MEF2A: variants seen among roughly 807,000 people sequenced by gnomAD.
MEF2A encodes the protein myocyte enhancer factor 2A.
Under a neutral mutation model 55.8 loss-of-function variants are expected in MEF2A, and 28 were observed. The observed-to-expected ratio is 0.50, with a 90% CI of 0.37 to 0.69. The LOEUF (loss-of-function observed/expected upper bound fraction) is 0.69. Ranked by LOEUF, MEF2A falls within the 30% of genes least tolerant of loss-of-function variation. MEF2A has a pLI of 0.00. For synonymous variants in MEF2A, 239 were observed against 227.1 expected (o/e 1.05, Z -0.47); for missense variants, 528 against 626.2 (o/e 0.84, Z 1.67).
chr15:99,715,647 T>TTC lies in MEF2A; in HGVS notation c.*2878_*2879dup, dbSNP rs1301302300. 1 of 152,228 alleles carries TTC rather than the reference T, an allele frequency of 6.6e-6. No individual in the cohort carries two copies. Among genetic ancestry groups the TTC allele is most frequent in the Non-Finnish European group, 1.5e-5 (1 of 68,036 alleles). The allele number at this position is 152,228 out of a possible 1,614,324, so 9.4% of individuals were successfully genotyped here. A position where few individuals can be genotyped will look rare whatever the true frequency, so the allele number is the denominator to read the frequency against. On this transcript the variant is annotated 3_prime_UTR_variant, in exon 12 of 12. Transcript: ENST00000557942. ...AATGGTGTTGCTTTAGAACCGTCTT[T>TTC]TCTTACCCTTTTAGACTCGTGTTTT...
intron 4 of MEF2A, among the ~76,000 whole-genome samples, chr15:99,651,435 G>A (rs963678165): frequency 1.3e-5 from 2 of 152,166 alleles, no homozygotes; most frequent in Non-Finnish European, 2.9e-5. Context: ...CAGACAGGGA[G>A]TATTTAAGAG....
rs114278493 is a variant in MEF2A at position 99,666,839 on chromosome 15, T to A, written c.259-4484T>A. Among the ~76,000 whole-genome samples, 664 of 152,230 alleles carry A rather than the reference T, an allele frequency of 4.4e-3. 4 individuals carry two copies. The highest frequency in any genetic ancestry group is 0.015 in the African/African-American group (606 of 41,540). On this transcript the variant is annotated intron_variant, in intron 4 of 11. Transcript: ENST00000557942. The stretch of plus-strand genomic sequence containing the variant: ...ACCAGCTTGAATTTCATTTTAGATC[T>A]TAATAGCTTCCGACAGAAAGGAAGG...
intron 2 of MEF2A, among the ~76,000 whole-genome samples, chr15:99,624,382 C>A (rs1375686487): frequency 6.6e-6 from 1 of 152,118 alleles, no homozygotes; most frequent in Non-Finnish European, 1.5e-5. Context: ...AAACATCCAA[C>A]TTTATTCTTT....
intron 10 of MEF2A, 48 bp from the exon 11 acceptor site, chr15:99,710,586 C>T (rs201020559): frequency 5.6e-5 from 89 of 1,583,724 alleles, no homozygotes; most frequent in East Asian, 3.4e-4. Flanking sequence ...AAATAGATTC[C>T]GTATGGACCT....
chr15:99,613,665 G>T (rs559065791), intron 2 of MEF2A, among the ~76,000 whole-genome samples: 1 of 152,206 alleles, frequency 6.6e-6, no homozygotes, highest in South Asian at 2.1e-4. Context: ...GGTTATCAGC[G>T]TTGATAGCAG....
chr15:99,593,167 A>G (rs1230722743), intron 1 of MEF2A, among the ~76,000 whole-genome samples: 1 of 152,110 alleles, frequency 6.6e-6, no homozygotes, highest in Non-Finnish European at 1.5e-5. Context: ...TCTCCTGAGT[A>G]CCATCCTTTT....
intron 4 of MEF2A, among the ~76,000 whole-genome samples, chr15:99,652,888 T>C (rs2047086275): frequency 6.6e-6 from 1 of 152,244 alleles, no homozygotes; most frequent in South Asian, 2.1e-4. Context: ...GGCATTTTGC[T>C]AAACACTGGG....
intron 4 of MEF2A, among the ~76,000 whole-genome samples, chr15:99,662,925 AT>A (rs2153579320): frequency 6.6e-6 from 1 of 152,268 alleles, no homozygotes; most frequent in South Asian, 2.1e-4. Context: ...TTGTGGGTTT[AT>A]TTAATTGATT....
chr15:99,566,315 GGGCGGGTAGGGTGCTGGGA>G (rs1359810719), intron 1 of MEF2A, among the ~76,000 whole-genome samples: 22 of 149,984 alleles, frequency 1.5e-4, no homozygotes, highest in South Asian at 2.1e-4. Flanking sequence ...CGCATTGGCG[GGGCGGGTAGGGTGCTGGGA>G]GGCGGGTAGG....
intron 1 of MEF2A, among the ~76,000 whole-genome samples, chr15:99,569,325 C>G (rs774504685): frequency 1.3e-5 from 2 of 152,190 alleles, no homozygotes; most frequent in Non-Finnish European, 2.9e-5. Context: ...GCTTTTGTTT[C>G]TTCTTTCCTC....
chr15:99,650,484 C>T (rs1192509797), intron 4 of MEF2A, among the ~76,000 whole-genome samples: 1 of 152,180 alleles, frequency 6.6e-6, no homozygotes, highest in East Asian at 1.9e-4. Context: ...GTAAAGACTT[C>T]ATTTGAATTA....
At chr15:99,685,608 A>G (rs890451566) in intron 7 of MEF2A, among the ~76,000 whole-genome samples, 1 of 151,980 alleles carries the variant, frequency 6.6e-6, no homozygotes, top group African/African-American at 2.4e-5. Flanking sequence ...CTTCTGTGCC[A>G]GTTTTGCTTA....
At chr15:99,680,051 G>A (rs1597104968) in intron 7 of MEF2A, among the ~76,000 whole-genome samples, 1 of 152,200 alleles carries the variant, frequency 6.6e-6, no homozygotes, top group South Asian at 2.1e-4. Context: ...TAAGATGACA[G>A]GTCAAAATGC....
At chr15:99,614,118 A>C (rs1271477694) in intron 2 of MEF2A, among the ~76,000 whole-genome samples, 1 of 152,176 alleles carries the variant, frequency 6.6e-6, no homozygotes, top group East Asian at 1.9e-4. Context: ...AGAAAGTGGA[A>C]CAGATGCCAT....
At chr15:99,669,884 A>C (rs1185075475) in intron 4 of MEF2A, among the ~76,000 whole-genome samples, 1 of 152,206 alleles carries the variant, frequency 6.6e-6, no homozygotes, top group Non-Finnish European at 1.5e-5. Flanking sequence ...ATATCTTTAG[A>C]TCTAATTTAA....
At chr15:99,572,117 A>G (rs1483826652) in intron 1 of MEF2A, among the ~76,000 whole-genome samples, 1 of 148,826 alleles carries the variant, frequency 6.7e-6, no homozygotes, top group Admixed American at 6.8e-5. Flanking sequence ...GTGACTTCCC[A>G]TTCCTCTCAA....
chr15:99,687,363 G>A (rs1237577582), intron 7 of MEF2A, among the ~76,000 whole-genome samples: 1 of 152,098 alleles, frequency 6.6e-6, no homozygotes, highest in Non-Finnish European at 1.5e-5. Context: ...ACAGGGGTGT[G>A]TGGGTGTGTG....
At chr15:99,698,064 C>T (rs2056778046) in intron 8 of MEF2A, among the ~76,000 whole-genome samples, 2 of 152,136 alleles carry the variant, frequency 1.3e-5, no homozygotes, top group Non-Finnish European at 2.9e-5. Flanking sequence ...ATAACTCAAA[C>T]TTTATTAAAA....
chr15:99,636,046 G>A (rs988220179), intron 3 of MEF2A, among the ~76,000 whole-genome samples: 3 of 152,082 alleles, frequency 2.0e-5, no homozygotes, highest in South Asian at 4.1e-4. Context: ...TAGCTGCTCC[G>A]GTCTTGAGCA....
Sources: allele counts gnomAD v4.1 joint callset (sites outside exome capture counted in the v4.1 genomes callset), GRCh38; gene constraint gnomAD v4.1.1; transcripts MANE v1.5; gene names NCBI Gene and HGNC (gene_info 2026-07-23, HGNC 2026-07-21).